KLHL8: variants seen among roughly 807,000 people sequenced by gnomAD.
KLHL8 encodes the protein kelch-like protein 8.
In KLHL8, 38 loss-of-function variants were observed where a neutral mutation model predicts 63.5. The observed-to-expected ratio is 0.60, with a 90% CI of 0.46 to 0.78. The LOEUF (loss-of-function observed/expected upper bound fraction) is 0.78. KLHL8 is among the 30% of genes least tolerant of loss of function. KLHL8 has a pLI of 0.00. For missense variants in KLHL8, 566 were observed against 752.4 expected, an observed-to-expected ratio of 0.75 and a Z score of 2.90; for synonymous variants, 224 against 254.3, an observed-to-expected ratio of 0.88 and a Z score of 1.13.
At chr4:87,191,917 G>A (rs954401199) in intron 2 of KLHL8, among the ~76,000 whole-genome samples, 3 of 152,052 alleles carry the variant, frequency 2.0e-5, no homozygotes, top group Non-Finnish European at 4.4e-5. Context: ...CCAGCTGCGT[G>A]TATGTTGCTG....
chr4:87,227,478 A>C (rs1307414689), intron 1 of KLHL8, among the ~76,000 whole-genome samples: 2 of 152,134 alleles, frequency 1.3e-5, no homozygotes, highest in Non-Finnish European at 2.9e-5. Context: ...TGTCTCTACT[A>C]AAATTAAAAA....
chr4:87,223,069 A>G (rs1732914014), upstream of KLHL8, among the ~76,000 whole-genome samples: 1 of 151,424 alleles, frequency 6.6e-6, no homozygotes, highest in South Asian at 2.1e-4. Flanking sequence ...TGATTCTCCC[A>G]CCTCCCGAGT....
rs1438638648 is a variant in KLHL8 at position 87,160,823 on chromosome 4, A to G, written c.*2696T>C. 2 of 152,042 alleles carry G rather than the reference A, an allele frequency of 1.3e-5. No homozygotes were observed. The highest frequency in any genetic ancestry group is 2.9e-5 in the Non-Finnish European group (2 of 67,984). The allele number at this position is 152,042 out of a possible 1,614,324, so 9.4% of individuals were successfully genotyped here. On this transcript the variant is annotated 3_prime_UTR_variant, in exon 10 of 10. Transcript: ENST00000273963. ...AATTTCAGTATTTTAGCTCTATCTC[A>G]TATCATTTTTTGGTAGGTGCTGTTA... is the stretch of plus-strand genomic sequence containing the variant.
intron 4 of KLHL8, 120 bp from the exon 5 acceptor site, chr4:87,178,740 G>A: frequency 1.1e-6 from 1 of 897,280 alleles, no homozygotes; most frequent in East Asian, 3.0e-5. Context: ...AGTATTCAAT[G>A]TTATTATGTT....
intron 1 of KLHL8, among the ~76,000 whole-genome samples, chr4:87,202,250 T>C (rs1022561016): frequency 2.0e-5 from 3 of 151,618 alleles, no homozygotes; most frequent in Non-Finnish European, 2.9e-5. Context: ...TAAAAAACAA[T>C]AGATAAAAAT....
chr4:87,238,183 C>T (rs957296620), intron 1 of KLHL8, among the ~76,000 whole-genome samples: 2 of 152,146 alleles, frequency 1.3e-5, no homozygotes, highest in Middle Eastern at 3.2e-3. Flanking sequence ...ATCCACCCAC[C>T]TCGGCCTCCC....
At chr4:87,200,423 T>C (rs535055784) in intron 1 of KLHL8, among the ~76,000 whole-genome samples, 1 of 152,232 alleles carries the variant, frequency 6.6e-6, no homozygotes, top group Non-Finnish European at 1.5e-5. Flanking sequence ...GTAAATGCTA[T>C]GTAAATAGTT....
intron 2 of KLHL8, among the ~76,000 whole-genome samples, chr4:87,191,166 A>C (rs1424999853): frequency 1.3e-5 from 2 of 151,926 alleles, no homozygotes; most frequent in South Asian, 2.1e-4. Flanking sequence ...TGTAAAGGGA[A>C]ATATTTTTTA....
chr4:87,181,132 T>C lies in KLHL8; in HGVS notation c.952+2071A>G, dbSNP rs755265872. On this transcript the variant is annotated intron_variant, in intron 4 of 9. Coordinates refer to ENST00000273963, the MANE Select transcript of KLHL8 (RefSeq NM_020803.5). ...TAAACAGAGGCCTTGATTAAGAAAT[T>C]TGTTTATAAGCTGGGCTGGGCGCAG... Among the ~76,000 whole-genome samples the C allele has an allele frequency of 6.6e-5, 10 of 151,858 alleles. No homozygotes were observed. In the East Asian group the frequency reaches 9.7e-4, roughly 15 times the overall value.
chr4:87,237,644 T>C (rs1292309882), intron 1 of KLHL8, among the ~76,000 whole-genome samples: 3 of 152,096 alleles, frequency 2.0e-5, no homozygotes, highest in African/African-American at 4.8e-5. Flanking sequence ...TTTGGCAACA[T>C]AGTGAAACTC....
chr4:87,183,362 A>G lies in KLHL8; in HGVS notation c.793T>C (p.Phe265Leu). 1 of 1,609,484 alleles carries G rather than the reference A, an allele frequency of 6.2e-7. No homozygotes were observed. Among genetic ancestry groups the G allele is most frequent in the Non-Finnish European group, 8.5e-7 (1 of 1,176,694 alleles). ...TCTTTTGCCACAACACCCATAAGAA[A>G]ATCAACCGGCAACAATGGCAGGCGA... The part of the protein sequence containing the change: ...QVRLPLLPVD[F>L]LMGVVAKEQI... Residue 265 changes from phenylalanine (F) to leucine (L), a missense_variant, in exon 4 of 10, where the codon TTT (phenylalanine) becomes CTT (leucine). Transcript: ENST00000273963.
chr4:87,210,460 G>A (rs576204038), intron 1 of KLHL8, among the ~76,000 whole-genome samples: 8 of 152,162 alleles, frequency 5.3e-5, no homozygotes, highest in Admixed American at 3.3e-4. Flanking sequence ...CAGCCTGGGC[G>A]ACAGAGCGAG....
intron 1 of KLHL8, among the ~76,000 whole-genome samples, chr4:87,208,853 A>C (rs1004307590): frequency 6.6e-6 from 1 of 152,192 alleles, no homozygotes; most frequent in South Asian, 2.1e-4. Context: ...TTGTCAGCGT[A>C]CTATTTCTAT....
At position 87,226,906 on chromosome 4, in the gene KLHL8, A is replaced by AAT. The variant is rs1553950414; in HGVS notation, n.58-5518_58-5517dup. Among the ~76,000 whole-genome samples, 59 of 18,160 alleles carry AAT rather than the reference A, an allele frequency of 3.2e-3. 9 individuals carry two copies. Among genetic ancestry groups the AAT allele is most frequent in the East Asian group, 0.024 (4 of 164 alleles). 11.9% of individuals were successfully genotyped at this position (18,160 alleles called of 152,430 possible). ...TATATATTATATATAAATAATATATAATATATAAATAATATATATATTATA... is the reference window on the plus strand; with the variant it reads ...TATATATTATATATAAATAATATATAATATATATAAATAATATATATATTATA... On this transcript the variant is annotated intron_variant and non_coding_transcript_variant, in intron 1 of 1. Transcript: ENST00000506274.
chr4:87,176,863 C>T lies in KLHL8; in HGVS notation c.1102G>A (p.Val368Met). 1 of 1,555,382 alleles carries T rather than the reference C, an allele frequency of 6.4e-7. No homozygotes were observed. Among genetic ancestry groups the T allele is most frequent in the Non-Finnish European group, 8.8e-7 (1 of 1,139,902 alleles). The change falls in exon 6 of 10, where the codon GTG becomes ATG. Residue 368 changes from valine to methionine, a missense_variant. Physicochemically the swap from Val to Met is conservative, Grantham distance 21 (BLOSUM62 1). Coordinates refer to ENST00000273963, the MANE Select transcript of KLHL8 (RefSeq NM_020803.5). ...CCATCATGTCCACCTACTGCATACA[C>T]TTTACCTGTCAAATAGAGAAGTATT... ...HVGVISVEGK[V>M]YAVGGHDGNE...
intron 1 of KLHL8, among the ~76,000 whole-genome samples, chr4:87,227,973 T>C (rs1733064162): frequency 1.3e-5 from 2 of 152,148 alleles, no homozygotes; most frequent in African/African-American, 4.8e-5. Flanking sequence ...AGGCTGGAGT[T>C]TGGGTTCAGT....
chr4:87,219,769 G>A (rs1220457982), intron 1 of KLHL8: 1 of 152,496 alleles, frequency 6.6e-6, no homozygotes, highest in Non-Finnish European at 1.5e-5. Flanking sequence ...AAGAGGCTGC[G>A]GTTCCTGGTT....
chr4:87,222,759 T>A (rs1732907293), upstream of KLHL8, among the ~76,000 whole-genome samples: 2 of 150,500 alleles, frequency 1.3e-5, no homozygotes, highest in East Asian at 3.9e-4. Context: ...AATTTTTGCA[T>A]TTTTAGTAGA....
intron 1 of KLHL8, chr4:87,207,254 C>T (rs1381882219): frequency 3.5e-6 from 2 of 571,658 alleles, no homozygotes; most frequent in East Asian, 8.0e-5. Context: ...TGGCAAATTC[C>T]ATGCACCGTA....
Sources: allele counts gnomAD v4.1 joint callset (sites outside exome capture counted in the v4.1 genomes callset), GRCh38; gene constraint gnomAD v4.1.1; transcripts MANE v1.5; gene names NCBI Gene and HGNC (gene_info 2026-07-23, HGNC 2026-07-21).